Variants in CREBZF observed in about 807,000 individuals in gnomAD.
CREBZF encodes HCF-binding transcription factor Zhangfei.
CREBZF carries 8 observed loss-of-function variants against 21.1 expected under a neutral mutation model. The ratio of observed to expected loss-of-function variants is 0.38; its 90% confidence interval spans 0.22 to 0.68. The LOEUF is 0.68. Ranked by LOEUF, CREBZF falls within the 30% of genes least tolerant of loss-of-function variation. The pLI is 0.51. For synonymous variants in CREBZF, 270 were observed against 223.3 expected, an observed-to-expected ratio of 1.21 and a Z score of -1.86; for missense variants, 518 against 484.3, an observed-to-expected ratio of 1.07 and a Z score of -0.65.
chr11:85,661,371 A>C lies in CREBZF; in HGVS notation c.*2440T>G, dbSNP rs1205659956. On this transcript the variant is annotated 3_prime_UTR_variant, in exon 1 of 1. Coordinates refer to ENST00000527447, the MANE Select transcript of CREBZF (RefSeq NM_001039618.4). ...AAACTGAGAAAAGACAGTTAATAAA[A>C]CATAAGGAACCTAACAAAGCAGCTT... The C allele has an allele frequency of 6.6e-6, 1 of 152,584 alleles. No individual in the cohort carries two copies. Among genetic ancestry groups the C allele is most frequent in the African/African-American group, 2.4e-5 (1 of 41,456 alleles). The allele number at this position is 152,584 out of a possible 1,614,324, so 9.5% of individuals were successfully genotyped here.
At chr11:85,677,807 C>T (rs376209275) in intron 1 of CREBZF, among the ~76,000 whole-genome samples, 1 of 152,206 alleles carries the variant, frequency 6.6e-6, no homozygotes, top group African/African-American at 2.4e-5. Flanking sequence ...TCCCCATTAA[C>T]CTCTCTCCTA....
At chr11:85,674,907 T>C (rs2082932852) in intron 1 of CREBZF, among the ~76,000 whole-genome samples, 2 of 152,220 alleles carry the variant, frequency 1.3e-5, no homozygotes, top group African/African-American at 4.8e-5. Flanking sequence ...TCCTTCAGAA[T>C]ACCCAAACCT....
chr11:85,664,711 C>A lies in CREBZF; in HGVS notation c.165G>T (p.Gln55His). 1.2e-6 allele frequency: 2 copies of A among 1,605,162 alleles called. No individual in the cohort carries two copies. The highest frequency in any genetic ancestry group is 1.7e-6 in the Non-Finnish European group (2 of 1,177,056). Residue 55 changes from glutamine (Q) to histidine (H), a missense_variant, in exon 1 of 1, where the codon CAG (glutamine) becomes CAT (histidine). Around this residue, in one of 3 missense-constraint regions of CREBZF, gnomAD observed 396 missense variants for 324.4 expected, o/e 1.22. Coordinates refer to ENST00000527447, the MANE Select transcript of CREBZF (RefSeq NM_001039618.4). This position sits in a 1 kb window ranked among gnomAD's most constrained non-coding sequence, Gnocchi z 5.5. ...CCAACTCTCCTTCGTCGCCAAACTGCTGCTTGCGGCCGGGAGATCCGGCCG... is the reference window on the plus strand; with the variant it reads ...CCAACTCTCCTTCGTCGCCAAACTGATGCTTGCGGCCGGGAGATCCGGCCG... ...TAAAGSPGRK[Q>H]QFGDEGELEA...
chr11:85,665,587 C>G (rs2082849047), upstream of CREBZF, among the ~76,000 whole-genome samples: 1 of 150,036 alleles, frequency 6.7e-6, no homozygotes, highest in Non-Finnish European at 1.5e-5. Flanking sequence ...TTACCCTAAC[C>G]TGATCACTAC....
At chr11:85,682,564 G>T (rs1210175034) in intron 1 of CREBZF, among the ~76,000 whole-genome samples, 2 of 151,816 alleles carry the variant, frequency 1.3e-5, no homozygotes, top group Non-Finnish European at 2.9e-5. Flanking sequence ...GTTCCCCTGC[G>T]CCCGAGTTTT....
At chr11:85,673,148 G>C (rs181995720) in intron 1 of CREBZF, among the ~76,000 whole-genome samples, 4 of 152,312 alleles carry the variant, frequency 2.6e-5, no homozygotes, top group African/African-American at 9.6e-5. Flanking sequence ...GATTGGAATA[G>C]ATGAATCCAA....
upstream of CREBZF, among the ~76,000 whole-genome samples, chr11:85,665,527 T>A (rs1212290409): frequency 6.7e-6 from 1 of 149,558 alleles, no homozygotes; most frequent in Non-Finnish European, 1.5e-5. Flanking sequence ...TAATACTATT[T>A]AATACCTGGG....
Position 85,659,205 on chromosome 11 carries a change from C to T in CREBZF, c.*4606G>A, listed in dbSNP as rs984590551. Among the ~76,000 whole-genome samples the T allele has an allele frequency of 9.9e-5, 15 of 152,066 alleles. No individual in the cohort carries two copies. Among genetic ancestry groups the T allele is most frequent in the Middle Eastern group, 3.4e-3 (1 of 294 alleles). On this transcript the variant is annotated 3_prime_UTR_variant, in exon 1 of 1. Transcript: ENST00000527447. Reference sequence around the variant, plus strand: ...GGAAAAAAACATAAATGTCATACTACCAATTAAACTTTCAAGAGTCATCAG... The same window carrying T: ...GGAAAAAAACATAAATGTCATACTATCAATTAAACTTTCAAGAGTCATCAG...
chr11:85,669,332 T>A (rs2153328424), upstream of CREBZF, among the ~76,000 whole-genome samples: 1 of 152,216 alleles, frequency 6.6e-6, no homozygotes, highest in South Asian at 2.1e-4. Context: ...TTATCTCACG[T>A]ATCTACATTA....
intron 1 of CREBZF, among the ~76,000 whole-genome samples, chr11:85,671,778 G>A (rs944811597): frequency 2.6e-5 from 4 of 152,198 alleles, no homozygotes; most frequent in Admixed American, 6.5e-5. Flanking sequence ...CTGTGGCTTT[G>A]CAGGGTCCAG....
chr11:85,677,616 A>AT (rs2153330147), intron 1 of CREBZF, among the ~76,000 whole-genome samples: 1 of 152,306 alleles, frequency 6.6e-6, no homozygotes, highest in East Asian at 1.9e-4. Context: ...TGGGAAGTTA[A>AT]TTCTTAGGGC....
rs2082625671 is a variant in CREBZF, at chr11:85,659,861, C to G, written c.*3950G>C. 6.6e-6 allele frequency: 1 copy of G among 151,890 alleles called. No homozygotes were observed. Among genetic ancestry groups the G allele is most frequent in the Admixed American group, 6.6e-5 (1 of 15,234 alleles). 9.4% of individuals were successfully genotyped at this position (151,890 alleles called of 1,614,324 possible). A position where few individuals can be genotyped will look rare whatever the true frequency, so the allele number is the denominator to read the frequency against. ...TATAAAACAGTAGAAACTAGCATAC[C>G]ATTAATTAGAAACCTCAAAATATTC... is the stretch of plus-strand genomic sequence containing the variant. On this transcript the variant is annotated 3_prime_UTR_variant, in exon 1 of 1. Coordinates refer to ENST00000527447, the MANE Select transcript of CREBZF (RefSeq NM_001039618.4).
rs1466685249 is a variant in CREBZF at position 85,664,824 on chromosome 11, T to C, written c.52A>G (p.Thr18Ala). 1.3e-6 allele frequency: 2 copies of C among 1,544,646 alleles called. No individual in the cohort carries two copies. The highest frequency in any genetic ancestry group is 1.4e-5 in the African/African-American group (1 of 72,104). The change falls in exon 1 of 1, where the codon ACC becomes GCC. Residue 18 changes from threonine (T) to alanine (A), a missense_variant. Around this residue, in one of 3 missense-constraint regions of CREBZF, gnomAD observed 396 missense variants for 324.4 expected, o/e 1.22. Transcript: ENST00000527447. The surrounding 1 kb of genome is among the most constrained non-coding windows in gnomAD (Gnocchi z 5.5). ...GCCGGCTCCGGGCTCTCACTGCGGGTTGGGGAGTTGCTGCCCGAGGCTGCC... is the reference window on the plus strand; with the variant it reads ...GCCGGCTCCGGGCTCTCACTGCGGGCTGGGGAGTTGCTGCCCGAGGCTGCC... ...LLAASGSNSP[T>A]RSESPEPAAT...
At chr11:85,678,355 G>A (rs780929476) in intron 1 of CREBZF, among the ~76,000 whole-genome samples, 24 of 152,074 alleles carry the variant, frequency 1.6e-4, no homozygotes, top group Non-Finnish European at 3.2e-4. Context: ...GACAGAGCTA[G>A]GGAATATGTA....
chr11:85,674,357 C>T (rs1369472960), intron 1 of CREBZF, among the ~76,000 whole-genome samples: 1 of 152,180 alleles, frequency 6.6e-6, no homozygotes, highest in Non-Finnish European at 1.5e-5. Context: ...TGAGCAGTAA[C>T]ATTTGGAAAG....
At chr11:85,673,067 T>G (rs1310801692) in intron 1 of CREBZF, among the ~76,000 whole-genome samples, 1 of 152,212 alleles carries the variant, frequency 6.6e-6, no homozygotes, top group Non-Finnish European at 1.5e-5. Context: ...CTGGCAAATA[T>G]AGTTTGCTTT....
chr11:85,668,806 T>C (rs926168331), upstream of CREBZF, among the ~76,000 whole-genome samples: 1 of 150,786 alleles, frequency 6.6e-6, no homozygotes, highest in African/African-American at 2.4e-5. Context: ...ATCGAGACCA[T>C]CCTGGCTAAC....
At chr11:85,676,701 A>G (rs1245127946) in intron 1 of CREBZF, among the ~76,000 whole-genome samples, 4 of 151,990 alleles carry the variant, frequency 2.6e-5, no homozygotes, top group African/African-American at 4.8e-5. Context: ...CAGTAGCTCA[A>G]ACATGGCTCA....
In CREBZF at chr11:85,661,996, T is replaced by A. The variant is rs3177470; in HGVS notation, c.*1815A>T. 1 of 153,992 alleles carries A rather than the reference T, an allele frequency of 6.5e-6. No individual in the cohort carries two copies. Among genetic ancestry groups the A allele is most frequent in the East Asian group, 1.8e-4 (1 of 5,438 alleles). The allele number at this position is 153,992 out of a possible 1,614,324, so 9.5% of individuals were successfully genotyped here. On this transcript the variant is annotated 3_prime_UTR_variant, in exon 1 of 1. Transcript: ENST00000527447. ...TATATATATGTATATATATATATAA[T>A]TCAGTAGGCACTAAAAACCCATGCA... is the stretch of plus-strand genomic sequence containing the variant.
Sources: gnomAD v4.1 joint callset for allele counts (sites outside exome capture counted in the v4.1 genomes callset) on GRCh38, gnomAD v4.1.1 for gene constraint, gnomAD v4.1.1 regional missense constraint, Gnocchi (gnomAD v3.1) non-coding constraint, MANE v1.5 for transcripts, NCBI Gene and HGNC (gene_info 2026-07-23, HGNC 2026-07-21) for gene names.